Variants in CPNE8 observed in about 807,000 individuals in gnomAD.
CPNE8 encodes copine 8.
In CPNE8, 45 loss-of-function variants were observed where a neutral mutation model predicts 81.5. That is an observed-to-expected ratio of 0.55 (90% CI 0.44 to 0.71). CPNE8 has a LOEUF of 0.71. Ranked by LOEUF, CPNE8 falls within the 30% of genes least tolerant of loss-of-function variation. The pLI is 0.00. For synonymous variants in CPNE8, 252 were observed against 226.3 expected (o/e 1.11, Z -1.02); for missense variants, 594 against 672.1 (o/e 0.88, Z 1.28).
intron 10 of CPNE8, among the ~76,000 whole-genome samples, chr12:38,739,310 G>A (rs1323675121): frequency 1.3e-5 from 2 of 152,114 alleles, no homozygotes; most frequent in Non-Finnish European, 1.5e-5. Context: ...GTCTGCATAT[G>A]TTATATACTT....
chr12:38,744,259 T>C (rs1941175551), intron 10 of CPNE8, among the ~76,000 whole-genome samples: 1 of 152,180 alleles, frequency 6.6e-6, no homozygotes, highest in Non-Finnish European at 1.5e-5. Context: ...TAATCTGAAA[T>C]ATTTTCATTC....
intron 6 of CPNE8, among the ~76,000 whole-genome samples, chr12:38,789,732 C>A: frequency 6.6e-6 from 1 of 151,696 alleles, no homozygotes; most frequent in Non-Finnish European, 1.5e-5. Context: ...ACATAAGTAG[C>A]TCAATCAACT....
chr12:38,843,545 A>T (rs1943506861), intron 4 of CPNE8, among the ~76,000 whole-genome samples: 1 of 152,022 alleles, frequency 6.6e-6, no homozygotes, highest in African/African-American at 2.4e-5. Flanking sequence ...CAAGAAGGGG[A>T]GTGCAGCATC....
At chr12:38,792,833 A>G (rs2136932972) in intron 6 of CPNE8, among the ~76,000 whole-genome samples, 1 of 151,952 alleles carries the variant, frequency 6.6e-6, no homozygotes, top group Non-Finnish European at 1.5e-5. Flanking sequence ...AAAAATCCTC[A>G]ACAAAATACT....
chr12:38,797,065 C>G (rs964526569), intron 6 of CPNE8, among the ~76,000 whole-genome samples: 1 of 152,174 alleles, frequency 6.6e-6, no homozygotes, highest in Admixed American at 6.5e-5. Context: ...GGGTGGAGCC[C>G]ACCACAGCTC....
chr12:38,718,839 A>G (rs1245423502), intron 13 of CPNE8, among the ~76,000 whole-genome samples: 1 of 152,234 alleles, frequency 6.6e-6, no homozygotes, highest in Non-Finnish European at 1.5e-5. Context: ...AAATTTTTAA[A>G]TTAAATGATG....
At chr12:38,798,451 G>C (rs373418518) in intron 6 of CPNE8, among the ~76,000 whole-genome samples, 7 of 152,042 alleles carry the variant, frequency 4.6e-5, no homozygotes, top group Non-Finnish European at 1.0e-4. Flanking sequence ...GCCAAACTAA[G>C]CTTCATAAGT....
chr12:38,873,752 T>C (rs1944024366), intron 2 of CPNE8, among the ~76,000 whole-genome samples: 1 of 152,180 alleles, frequency 6.6e-6, no homozygotes, highest in South Asian at 2.1e-4. Context: ...TGTATATCCA[T>C]TTCTAAATAT....
chr12:38,767,087 C>T (rs1001517690), intron 8 of CPNE8, among the ~76,000 whole-genome samples: 2 of 151,984 alleles, frequency 1.3e-5, no homozygotes, highest in African/African-American at 2.4e-5. Flanking sequence ...TCACAAAAAA[C>T]AAGTCAGATA....
intron 11 of CPNE8, among the ~76,000 whole-genome samples, chr12:38,728,383 A>C (rs192358557): frequency 6.6e-6 from 1 of 152,300 alleles, no homozygotes; most frequent in East Asian, 1.9e-4. Context: ...ATCAAAAATG[A>C]ATCAAAATTA....
intron 13 of CPNE8, among the ~76,000 whole-genome samples, chr12:38,707,606 A>G (rs1481821125): frequency 6.6e-6 from 1 of 152,196 alleles, no homozygotes; most frequent in Admixed American, 6.5e-5. Flanking sequence ...CCATTTGGTA[A>G]TTATGGTGCA....
intron 6 of CPNE8, among the ~76,000 whole-genome samples, chr12:38,787,089 T>C (rs372699457): frequency 5.0e-4 from 76 of 152,238 alleles, no homozygotes; most frequent in African/African-American, 1.7e-3. Context: ...ACTTAATCTA[T>C]AGATAGACCA....
At chr12:38,771,087 T>C (rs1721408220) in intron 7 of CPNE8, among the ~76,000 whole-genome samples, 1 of 152,068 alleles carries the variant, frequency 6.6e-6, no homozygotes, top group Admixed American at 6.6e-5. Flanking sequence ...ATAATAACAT[T>C]TTGTAAACAC....
chr12:38,681,266 C>G (rs758974924), intron 16 of CPNE8, among the ~76,000 whole-genome samples: 14 of 151,860 alleles, frequency 9.2e-5, no homozygotes, highest in African/African-American at 1.7e-4. Context: ...ACACCATATA[C>G]AAGAGGAAAC....
At chr12:38,824,496 G>A (rs778350286) in intron 6 of CPNE8, among the ~76,000 whole-genome samples, 37 of 151,106 alleles carry the variant, frequency 2.4e-4, no homozygotes, top group Non-Finnish European at 4.3e-4. Flanking sequence ...CAACACAATC[G>A]CAATTAAAAA....
intron 6 of CPNE8, among the ~76,000 whole-genome samples, chr12:38,784,176 T>C (rs1942118631): frequency 6.6e-6 from 1 of 152,144 alleles, no homozygotes; most frequent in Admixed American, 6.5e-5. Flanking sequence ...TAAAATAATT[T>C]AAAAGCATCA....
Position 38,702,894 on chromosome 12 carries a change from A to T in CPNE8, c.942T>A (p.Ile314=). 6.4e-7 allele frequency: 1 copy of T among 1,571,130 alleles called. No individual in the cohort carries two copies. The highest frequency in any genetic ancestry group is 8.6e-7 in the Non-Finnish European group (1 of 1,156,226). ...ACTCACCGTTTGATGCTGTAAAATCAATAGCCACTGTGAAATTGATTTGCG... is the reference window on the plus strand; with the variant it reads ...ACTCACCGTTTGATGCTGTAAAATCTATAGCCACTGTGAAATTGATTTGCG... The part of the protein sequence containing the change: ...GGTQINFTVA[I]DFTASNGNPA... The change falls in exon 14 of 20, where the codon ATT becomes ATA. Residue 314 remains isoleucine (I), a synonymous_variant. Coordinates refer to ENST00000331366, the MANE Select transcript of CPNE8 (RefSeq NM_153634.3).
intron 10 of CPNE8, among the ~76,000 whole-genome samples, chr12:38,735,751 A>G (rs1684414): frequency 0.55 from 83,821 of 151,650 alleles, 23,728 homozygotes; most frequent in East Asian, 0.81. Flanking sequence ...ATTATGAGCC[A>G]ATCTCTGTCT....
At chr12:38,795,863 G>GGAAGGATAGATAGATA (rs1555160615) in intron 6 of CPNE8, among the ~76,000 whole-genome samples, 2 of 23,994 alleles carry the variant, frequency 8.3e-5, no homozygotes, top group Admixed American at 6.4e-4. Flanking sequence ...ATAGATGGAT[G>GGAAGGATAGATAGATA]GATGGATAGA....
Sources: allele counts gnomAD v4.1 joint callset (sites outside exome capture counted in the v4.1 genomes callset), GRCh38; gene constraint gnomAD v4.1.1; transcripts MANE v1.5; gene names NCBI Gene and HGNC (gene_info 2026-07-23, HGNC 2026-07-21).